Variants in VPS13B observed in about 807,000 individuals in gnomAD.
VPS13B encodes intermembrane lipid transfer protein VPS13B.
VPS13B carries 285 observed loss-of-function variants against 426.4 expected under a neutral mutation model. That is an observed-to-expected ratio of 0.67 (90% CI 0.61 to 0.74). VPS13B has a LOEUF of 0.74. Ranked by LOEUF, VPS13B falls within the 30% of genes least tolerant of loss-of-function variation. The pLI is 0.00. For synonymous variants in VPS13B, 1,676 were observed against 1,676.4 expected (o/e 1.00, Z 0.01); for missense variants, 4,537 against 4,782.6 (o/e 0.95, Z 1.51).
intron 21 of VPS13B, among the ~76,000 whole-genome samples, chr8:99,430,640 ATTT>A (rs1280604669): frequency 1.3e-5 from 2 of 151,636 alleles, no homozygotes; most frequent in African/African-American, 4.9e-5. Flanking sequence ...ATTACATTTC[ATTT>A]TATTAAGAAA....
intron 2 of VPS13B, among the ~76,000 whole-genome samples, chr8:99,034,615 G>A (rs1283171051): frequency 6.6e-6 from 1 of 152,056 alleles, no homozygotes; most frequent in Non-Finnish European, 1.5e-5. Flanking sequence ...TAATATATAT[G>A]TGAGACCCTG....
chr8:99,568,501 G>A (rs1411918581), intron 31 of VPS13B, among the ~76,000 whole-genome samples: 2 of 151,834 alleles, frequency 1.3e-5, no homozygotes, highest in Admixed American at 6.6e-5. Context: ...ATGTTGGCCA[G>A]ACTGATCTTG....
At chr8:99,867,221 T>G (rs891589146) in intron 58 of VPS13B, among the ~76,000 whole-genome samples, 1 of 152,076 alleles carries the variant, frequency 6.6e-6, no homozygotes, top group African/African-American at 2.4e-5. Flanking sequence ...TTCCCTTCTT[T>G]CTGAGATAGG....
chr8:99,187,050 T>TA, intron 16 of VPS13B, among the ~76,000 whole-genome samples: 1 of 152,302 alleles, frequency 6.6e-6, no homozygotes, highest in South Asian at 2.1e-4. Flanking sequence ...TACAAATACT[T>TA]ACTGCTGTAG....
In VPS13B at chr8:99,641,813, C is replaced by A. The variant is rs144223843; in HGVS notation, c.5223C>A (p.Ile1741=). ...GLEPSNKAAE[I]SKQEQKKVDI... ...ATTTTATTACTTTTTTCTTACAGAT[C>A]TCTAAACAAGAACAGAAAAAAGTGG... The change falls in exon 34 of 62, where the codon ATC becomes ATA. Residue 1741 remains isoleucine (I), a splice_region_variant and synonymous_variant. Coordinates refer to ENST00000357162, the MANE Select transcript of VPS13B (RefSeq NM_152564.5). 1.0e-4 allele frequency: 164 copies of A among 1,608,116 alleles called. No homozygotes were observed. Among genetic ancestry groups the A allele is most frequent in the Admixed American group, 8.7e-4 (52 of 59,560 alleles).
intron 15 of VPS13B, among the ~76,000 whole-genome samples, chr8:99,169,350 T>A (rs1469082190): frequency 6.6e-6 from 1 of 152,046 alleles, no homozygotes; most frequent in Non-Finnish European, 1.5e-5. Flanking sequence ...TGTTATGTTG[T>A]TTCTTTCTAT....
intron 27 of VPS13B, 124 bp downstream of exon 27, chr8:99,503,074 A>C: frequency 1.5e-6 from 1 of 681,982 alleles, no homozygotes; most frequent in East Asian, 2.7e-5. Flanking sequence ...TACCTCGGAC[A>C]TATTGAGAGT....
intron 39 of VPS13B, among the ~76,000 whole-genome samples, chr8:99,743,632 C>A (rs1809890683): frequency 6.6e-6 from 1 of 152,130 alleles, no homozygotes. Context: ...GAGATACAGA[C>A]CAATGGAACA....
In VPS13B at chr8:99,072,171, G is replaced by T. The variant is rs1844886491; in HGVS notation, c.292-24141G>T. ...GCCTCTCCTTGTGGCCACCACAGCT[G>T]GGAATACGCTGGGTCACACCTGATG... On this transcript the variant is annotated intron_variant, in intron 3 of 61. Transcript: ENST00000357162. Among the ~76,000 whole-genome samples the T allele has an allele frequency of 2.0e-5, 3 of 152,130 alleles. 1 individual carries two copies. The South Asian group carries it at 6.2e-4, about 32-fold the overall frequency.
At chr8:99,716,534 A>C (rs1367853368) in intron 36 of VPS13B, among the ~76,000 whole-genome samples, 2 of 152,182 alleles carry the variant, frequency 1.3e-5, no homozygotes, top group Admixed American at 1.3e-4. Flanking sequence ...GTTCAAAAGA[A>C]AGCCTACATT....
intron 30 of VPS13B, among the ~76,000 whole-genome samples, chr8:99,533,324 C>A (rs1823029474): frequency 6.6e-6 from 1 of 152,086 alleles, no homozygotes; most frequent in Admixed American, 6.6e-5. Context: ...TGAGGAACTA[C>A]CAAGTGATCC....
chr8:99,647,700 A>C (rs1293612672), intron 34 of VPS13B, among the ~76,000 whole-genome samples: 2 of 152,156 alleles, frequency 1.3e-5, no homozygotes, highest in Admixed American at 1.3e-4. Context: ...ATTAATTTGT[A>C]AGAATATCAC....
chr8:99,573,816 G>A (rs969638886), intron 31 of VPS13B, among the ~76,000 whole-genome samples: 5 of 152,172 alleles, frequency 3.3e-5, no homozygotes, highest in African/African-American at 1.2e-4. Flanking sequence ...CTTTAAAGTA[G>A]TTTTTTCCAA....
chr8:99,540,063 A>ATT (rs1172789372), intron 30 of VPS13B, among the ~76,000 whole-genome samples: 1 of 8,812 alleles, frequency 1.1e-4, no homozygotes, highest in Non-Finnish European at 1.9e-4. Flanking sequence ...ATATATATAT[A>ATT]TTTTTTTTTT....
intron 39 of VPS13B, among the ~76,000 whole-genome samples, chr8:99,743,324 G>A (rs1588674725): frequency 1.3e-5 from 2 of 151,872 alleles, no homozygotes; most frequent in Admixed American, 1.3e-4. Flanking sequence ...AATAAAAGAG[G>A]ATACAAACAA....
chr8:99,816,985 T>A (rs1814079095), intron 44 of VPS13B, among the ~76,000 whole-genome samples: 1 of 152,016 alleles, frequency 6.6e-6, no homozygotes, highest in Non-Finnish European at 1.5e-5. Flanking sequence ...GCTAAATGAT[T>A]TTCAATTCCC....
chr8:99,314,549 G>A (rs1364509738), intron 19 of VPS13B, among the ~76,000 whole-genome samples: 1 of 152,108 alleles, frequency 6.6e-6, no homozygotes, highest in African/African-American at 2.4e-5. Flanking sequence ...TTATATTGGA[G>A]TGATTGTCCT....
chr8:99,637,301 A>G (rs990850325), intron 33 of VPS13B, among the ~76,000 whole-genome samples: 5 of 152,076 alleles, frequency 3.3e-5, no homozygotes, highest in Non-Finnish European at 5.9e-5. Flanking sequence ...ATTTTTAAAT[A>G]TGTCTCAAAA....
At chr8:99,412,829 C>T (rs1176720684) in intron 21 of VPS13B, among the ~76,000 whole-genome samples, 2 of 152,118 alleles carry the variant, frequency 1.3e-5, no homozygotes, top group African/African-American at 2.4e-5. Flanking sequence ...TTGAGATAAT[C>T]ATGTGGTTTT....
Sources: gnomAD v4.1 joint callset for allele counts (sites outside exome capture counted in the v4.1 genomes callset) on GRCh38, gnomAD v4.1.1 for gene constraint, MANE v1.5 for transcripts, NCBI Gene and HGNC (gene_info 2026-07-23, HGNC 2026-07-21) for gene names.